Variants in DTNB observed in about 807,000 individuals in gnomAD.
The protein encoded by DTNB is dystrobrevin beta.
Under a neutral mutation model 90.7 loss-of-function variants are expected in DTNB, and 63 were observed. The observed-to-expected ratio is 0.69, with a 90% confidence interval of 0.57 to 0.86. The LOEUF (loss-of-function observed/expected upper bound fraction) is 0.86. DTNB is among the 40% of genes least tolerant of loss of function. DTNB has a pLI of 0.00. For synonymous variants in DTNB, 277 were observed against 286.7 expected (o/e 0.97, Z 0.34); for missense variants, 744 against 807.1 (o/e 0.92, Z 0.95).
chr2:25,566,658 C>G (rs901537199), intron 8 of DTNB, among the ~76,000 whole-genome samples: 1 of 152,114 alleles, frequency 6.6e-6, no homozygotes, highest in Admixed American at 6.5e-5. Flanking sequence ...AACAGTCACC[C>G]TAATAGTCAA....
intron 9 of DTNB, among the ~76,000 whole-genome samples, chr2:25,513,751 C>CA (rs766882625): frequency 0.018 from 1,949 of 106,848 alleles, 19 homozygotes; most frequent in African/African-American, 0.028. Flanking sequence ...ACAAAACAAC[C>CA]AAAAAAAAAA....
intron 9 of DTNB, among the ~76,000 whole-genome samples, chr2:25,483,543 C>G (rs531084390): frequency 6.6e-6 from 1 of 152,286 alleles, no homozygotes; most frequent in South Asian, 2.1e-4. Flanking sequence ...TCTTTGATAA[C>G]CCCTAATCCA....
intron 6 of DTNB, 76 bp from the exon 7 acceptor site, chr2:25,580,902 TC>T: frequency 7.5e-7 from 1 of 1,326,196 alleles, no homozygotes; most frequent in Non-Finnish European, 1.0e-6. Context: ...TTAGGATTTT[TC>T]CCATCCAAAC....
At chr2:25,544,683 ACCT>A (rs1572360803) in intron 8 of DTNB, among the ~76,000 whole-genome samples, 2 of 152,172 alleles carry the variant, frequency 1.3e-5, no homozygotes, top group East Asian at 3.8e-4. Context: ...AACATCTGTA[ACCT>A]CACCTAGTAA....
intron 15 of DTNB, among the ~76,000 whole-genome samples, chr2:25,422,723 A>G (rs946873601): frequency 5.9e-5 from 9 of 152,174 alleles, no homozygotes; most frequent in African/African-American, 1.9e-4. Context: ...CAAAAGCAAT[A>G]TCAGACAAAT....
intron 9 of DTNB, among the ~76,000 whole-genome samples, chr2:25,514,250 T>C (rs2074540557): frequency 6.6e-6 from 1 of 152,030 alleles, no homozygotes; most frequent in African/African-American, 2.4e-5. Flanking sequence ...CATGTGAGTA[T>C]GAGGATGAGG....
chr2:25,464,129 G>A (rs2061426799), intron 10 of DTNB, among the ~76,000 whole-genome samples: 6 of 152,192 alleles, frequency 3.9e-5, no homozygotes, highest in Admixed American at 2.0e-4. Context: ...GGCTGGTCTC[G>A]AACTCCTGAC....
chr2:25,445,926 T>TG (rs1338444863), intron 12 of DTNB, among the ~76,000 whole-genome samples: 21 of 151,586 alleles, frequency 1.4e-4, no homozygotes, highest in African/African-American at 2.7e-4. Flanking sequence ...GGTAGTTTTT[T>TG]TTTTTTTTTT....
At chr2:25,519,500 C>T (rs1575328094) in intron 9 of DTNB, among the ~76,000 whole-genome samples, 1 of 151,430 alleles carries the variant, frequency 6.6e-6, no homozygotes, top group East Asian at 2.0e-4. Context: ...GAGCTATGAT[C>T]TAGGAATCAA....
At chr2:25,541,413 C>T (rs1404843874) in intron 8 of DTNB, among the ~76,000 whole-genome samples, 5 of 152,000 alleles carry the variant, frequency 3.3e-5, no homozygotes, top group Non-Finnish European at 7.4e-5. Flanking sequence ...ACCCGGGAGA[C>T]GGAAGTTGCA....
chr2:25,637,689 C>A (rs1392187432), intron 3 of DTNB, among the ~76,000 whole-genome samples: 2 of 152,150 alleles, frequency 1.3e-5, no homozygotes, highest in Non-Finnish European at 2.9e-5. Context: ...GAATGGCAAT[C>A]ATTAAAAAGT....
chr2:25,617,285 G>C (rs1291081006), intron 4 of DTNB, among the ~76,000 whole-genome samples: 2 of 152,190 alleles, frequency 1.3e-5, no homozygotes, highest in African/African-American at 4.8e-5. Context: ...TAAAAGTAGA[G>C]GAATCTGAGA....
rs147642319 is a variant in DTNB at position 25,424,706 on chromosome 2, G to A, written c.1554+2829C>T. Reference sequence around the variant, plus strand: ...TTTTTGAGACTGAGTCTTACTCTCTGACCCTGGCTGGAGTGCAGTGGTGTA... The same window carrying A: ...TTTTTGAGACTGAGTCTTACTCTCTAACCCTGGCTGGAGTGCAGTGGTGTA... On this transcript the variant is annotated intron_variant, in intron 15 of 20. Coordinates refer to ENST00000406818, the MANE Select transcript of DTNB (RefSeq NM_021907.5). This position sits in a 1 kb window ranked among gnomAD's most constrained non-coding sequence, Gnocchi z 4.1. Among the ~76,000 whole-genome samples the A allele has an allele frequency of 1.3e-5, 2 of 150,264 alleles. No individual in the cohort carries two copies. Among genetic ancestry groups the A allele is most frequent in the African/African-American group, 4.9e-5 (2 of 40,766 alleles).
chr2:25,554,519 G>A lies in DTNB; in HGVS notation c.876+22319C>T, dbSNP rs1040458202. Reference sequence around the variant, plus strand: ...GCTTGGAGAGTAATTTAGCAATATCGAATAAAACTGAAAATGCACACTCCT... The same window carrying A: ...GCTTGGAGAGTAATTTAGCAATATCAAATAAAACTGAAAATGCACACTCCT... On this transcript the variant is annotated intron_variant, in intron 8 of 20. Transcript: ENST00000406818. 7.2e-5 allele frequency among the ~76,000 whole-genome samples: 11 copies of A among 151,994 alleles called. 1 individual carries two copies. The highest frequency in any genetic ancestry group is 1.5e-4 in the African/African-American group (6 of 41,364).
chr2:25,555,205 G>A (rs916609069), intron 8 of DTNB, among the ~76,000 whole-genome samples: 1 of 147,014 alleles, frequency 6.8e-6, no homozygotes, highest in African/African-American at 2.5e-5. Flanking sequence ...GCAGGAGAAT[G>A]ACATGAACCC....
chr2:25,481,781 T>G (rs1200528673), intron 10 of DTNB: 1 of 152,234 alleles, frequency 6.6e-6, no homozygotes, highest in Non-Finnish European at 1.5e-5. Flanking sequence ...CTTCTCAAGA[T>G]CCTATCTTCA....
At chr2:25,625,252 G>A (rs1362696682) in intron 4 of DTNB, among the ~76,000 whole-genome samples, 1 of 152,178 alleles carries the variant, frequency 6.6e-6, no homozygotes, top group East Asian at 1.9e-4. Flanking sequence ...GAACTCTCCA[G>A]CCTAAGTAAT....
intron 10 of DTNB, among the ~76,000 whole-genome samples, chr2:25,467,485 G>T (rs559803203): frequency 6.6e-5 from 10 of 151,940 alleles, no homozygotes; most frequent in African/African-American, 2.4e-4. Flanking sequence ...AAAATTCTTT[G>T]TAAATATGTG....
At chr2:25,518,505 A>C (rs1249569706) in intron 9 of DTNB, among the ~76,000 whole-genome samples, 1 of 152,058 alleles carries the variant, frequency 6.6e-6, no homozygotes, top group Non-Finnish European at 1.5e-5. Flanking sequence ...TCACACACAC[A>C]CACAGAGGTA....
Sources: gnomAD v4.1 joint callset for allele counts (sites outside exome capture counted in the v4.1 genomes callset) on GRCh38, gnomAD v4.1.1 for gene constraint, Gnocchi (gnomAD v3.1) non-coding constraint, MANE v1.5 for transcripts, NCBI Gene and HGNC (gene_info 2026-07-23, HGNC 2026-07-21) for gene names.